The following ALK variants were observed in gnomAD, a reference collection of about 807,000 sequenced individuals.
ALK encodes the protein ALK receptor tyrosine kinase.
A neutral mutation model predicts 163.1 loss-of-function variants in ALK; 74 were observed. That is an observed-to-expected ratio of 0.45 (90% CI 0.38 to 0.55). ALK has a LOEUF of 0.55. ALK is among the 20% of genes least tolerant of loss of function. The pLI, the probability that ALK is intolerant of heterozygous loss-of-function variation, is 0.00. For synonymous variants in ALK, 960 were observed against 843.2 expected (o/e 1.14, Z -2.40); for missense variants, 2,063 against 2,105.3 (o/e 0.98, Z 0.39).
chr2:29,232,541 T>C, intron 14 of ALK, 93 bp from the exon 15 acceptor site: 1 of 1,564,670 alleles, frequency 6.4e-7, no homozygotes, highest in Non-Finnish European at 8.7e-7. Context: ...ACTGAGGGTT[T>C]GCTGTTTTGG....
chr2:29,654,740 A>G (rs1406145117), intron 3 of ALK, among the ~76,000 whole-genome samples: 1 of 152,188 alleles, frequency 6.6e-6, no homozygotes, highest in Non-Finnish European at 1.5e-5. Flanking sequence ...CAATCATGCC[A>G]TAGCAAATTA....
At chr2:29,627,398 C>T (rs951626363) in intron 3 of ALK, among the ~76,000 whole-genome samples, 7 of 152,152 alleles carry the variant, frequency 4.6e-5, no homozygotes, top group African/African-American at 9.7e-5. Context: ...CTGTTGATGC[C>T]GCAAATTTCT....
chr2:29,706,932 G>A (rs1678926437), intron 2 of ALK, among the ~76,000 whole-genome samples: 1 of 149,092 alleles, frequency 6.7e-6, no homozygotes, highest in Non-Finnish European at 1.5e-5. Flanking sequence ...TGGACTTCCA[G>A]TTTAATTCTC....
intron 12 of ALK, among the ~76,000 whole-genome samples, chr2:29,244,894 T>G (rs1369352328): frequency 6.6e-6 from 1 of 152,282 alleles, no homozygotes; most frequent in African/African-American, 2.4e-5. Context: ...TCCTGTGGTC[T>G]TTCCAGAGAC....
intron 3 of ALK, among the ~76,000 whole-genome samples, chr2:29,674,320 A>G (rs1201584354): frequency 9.2e-5 from 14 of 151,900 alleles, no homozygotes; most frequent in Non-Finnish European, 2.1e-4. Flanking sequence ...TTTGTCATAG[A>G]TAGCTCTTAT....
At chr2:29,888,761 T>C (rs956076404) in intron 1 of ALK, among the ~76,000 whole-genome samples, 47 of 152,250 alleles carry the variant, frequency 3.1e-4, no homozygotes, top group African/African-American at 1.1e-3. Flanking sequence ...TTTGCATCTT[T>C]TACATTTTCA....
intron 3 of ALK, among the ~76,000 whole-genome samples, chr2:29,660,443 C>T (rs75909293): frequency 6.6e-6 from 1 of 152,138 alleles, no homozygotes; most frequent in Non-Finnish European, 1.5e-5. Context: ...GAGGAAATCA[C>T]TGGTGGGGAC....
intron 1 of ALK, among the ~76,000 whole-genome samples, chr2:29,909,327 G>A (rs960953817): frequency 6.6e-6 from 1 of 152,214 alleles, no homozygotes; most frequent in Non-Finnish European, 1.5e-5. Flanking sequence ...CTCTGACACA[G>A]GAAAGAGAAG....
intron 4 of ALK, among the ~76,000 whole-genome samples, chr2:29,466,340 AACTC>A (rs1426005962): frequency 6.6e-6 from 1 of 151,830 alleles, no homozygotes; most frequent in East Asian, 1.9e-4. Context: ...CACACACACT[AACTC>A]ACACACATAG....
chr2:29,675,213 A>G (rs1316528872), intron 3 of ALK, among the ~76,000 whole-genome samples: 4 of 152,032 alleles, frequency 2.6e-5, no homozygotes, highest in East Asian at 1.9e-4. Context: ...GTTAGTGTAT[A>G]TAATATTTAT....
chr2:29,802,684 C>G (rs1386570843), intron 1 of ALK, among the ~76,000 whole-genome samples: 1 of 151,576 alleles, frequency 6.6e-6, no homozygotes, highest in Non-Finnish European at 1.5e-5. Context: ...TTTTCTCTAC[C>G]CATCCCCTTC....
At chr2:29,419,215 C>T (rs146852995) in intron 4 of ALK, among the ~76,000 whole-genome samples, 1,642 of 151,140 alleles carry the variant, frequency 0.011, 103 homozygotes, top group African/African-American at 0.039. Flanking sequence ...CCACCATGCC[C>T]GGCTAATTTT....
At chr2:29,212,098 G>A (rs1321105780) in intron 24 of ALK, among the ~76,000 whole-genome samples, 1 of 152,192 alleles carries the variant, frequency 6.6e-6, no homozygotes, top group Non-Finnish European at 1.5e-5. Flanking sequence ...GGTGACCAAC[G>A]TGGGCAGAGA....
At chr2:29,332,591 T>G (rs1667477422) in intron 5 of ALK, among the ~76,000 whole-genome samples, 1 of 152,228 alleles carries the variant, frequency 6.6e-6, no homozygotes, top group African/African-American at 2.4e-5. Flanking sequence ...GATTTCTCTT[T>G]GGTTTAGTTT....
intron 12 of ALK, among the ~76,000 whole-genome samples, chr2:29,241,963 G>A (rs1366818749): frequency 6.6e-6 from 1 of 152,138 alleles, no homozygotes; most frequent in African/African-American, 2.4e-5. Context: ...GATGCACAAA[G>A]AGAGGGGTCT....
chr2:29,482,837 G>A (rs1368135673), intron 4 of ALK, among the ~76,000 whole-genome samples: 1 of 152,142 alleles, frequency 6.6e-6, no homozygotes, highest in Non-Finnish European at 1.5e-5. Flanking sequence ...CGACTACATG[G>A]ATTACTAAAA....
At chr2:29,867,650 C>T (rs898429514) in intron 1 of ALK, among the ~76,000 whole-genome samples, 14 of 152,194 alleles carry the variant, frequency 9.2e-5, no homozygotes, top group Admixed American at 7.9e-4. Context: ...CAAGGTAATG[C>T]AGCCACCACT....
At chr2:29,280,985 T>C (rs989821024) in intron 9 of ALK, among the ~76,000 whole-genome samples, 20 of 152,032 alleles carry the variant, frequency 1.3e-4, no homozygotes, top group African/African-American at 4.8e-4. Flanking sequence ...GGGAAAGTTC[T>C]AGTATGTACC....
At chr2:29,380,966 G>C (rs1668881823) in intron 5 of ALK, among the ~76,000 whole-genome samples, 1 of 152,212 alleles carries the variant, frequency 6.6e-6, no homozygotes, top group Admixed American at 6.5e-5. Context: ...AGAGGTAAAG[G>C]TTCTGGCAAT....
Sources: allele counts gnomAD v4.1 joint callset (sites outside exome capture counted in the v4.1 genomes callset), GRCh38; gene constraint gnomAD v4.1.1; transcripts MANE v1.5; gene names NCBI Gene and HGNC (gene_info 2026-07-23, HGNC 2026-07-21).